The following ZNF611 variants were observed in gnomAD, a reference collection of about 807,000 sequenced individuals.
The protein encoded by ZNF611 is zinc finger protein 611.
In ZNF611, 6 loss-of-function variants were observed where a neutral mutation model predicts 8.9. The ratio of observed to expected loss-of-function variants is 0.68; its 90% CI spans 0.37 to 1.34. The LOEUF (loss-of-function observed/expected upper bound fraction) is 1.34. Among genes scored for constraint, ZNF611 ranks in the 40% most tolerant of loss-of-function variants. ZNF611 has a pLI of 0.02. For missense variants in ZNF611, 874 were observed against 841.3 expected (o/e 1.04, Z -0.48); for synonymous variants, 262 against 279.7 (o/e 0.94, Z 0.63).
At chr19:52,727,736 GA>G (rs1263138573) in intron 3 of ZNF611, among the ~76,000 whole-genome samples, 2 of 152,028 alleles carry the variant, frequency 1.3e-5, no homozygotes, top group African/African-American at 2.4e-5. Flanking sequence ...GGTCAGCCAG[GA>G]AAAACTCTTA....
intron 3 of ZNF611, among the ~76,000 whole-genome samples, chr19:52,722,437 G>GT (rs1024067882): frequency 6.6e-6 from 1 of 151,952 alleles, no homozygotes; most frequent in Admixed American, 6.6e-5. Flanking sequence ...ACAGAAAGTT[G>GT]TTTTTTTCTT....
chr19:52,734,495 T>TG (rs1568612433), intron 1 of ZNF611, among the ~76,000 whole-genome samples: 1 of 132,408 alleles, frequency 7.6e-6, no homozygotes, highest in Non-Finnish European at 1.6e-5. Flanking sequence ...AGGGGAGACC[T>TG]GGGGAGCAGC....
intron 3 of ZNF611, among the ~76,000 whole-genome samples, chr19:52,719,398 G>T (rs1167298589): frequency 2.0e-5 from 3 of 152,050 alleles, no homozygotes; most frequent in Non-Finnish European, 4.4e-5. Context: ...CACAACTAAC[G>T]AGTCAAGTCA....
At position 52,706,032 on chromosome 19, in the gene ZNF611, A is replaced by T. The variant is rs769586783; in HGVS notation, c.1023T>A (p.Asn341Lys). Residue 341 changes from asparagine to lysine, a missense_variant, in exon 6 of 6, where the codon AAT (asparagine) becomes AAA (lysine). Asn to Lys is a moderately conservative substitution (Grantham distance 94). Transcript: ENST00000652185. ...TGTCACATTCATTACACTTGTAAGGATTTTCTCCAGTATCAATTGCCTTAT... is the reference window on the plus strand; with the variant it reads ...TGTCACATTCATTACACTTGTAAGGTTTTTCTCCAGTATCAATTGCCTTAT... Reference protein sequence around the residue: ...LIDKAIDTGENPYKCNECDKA... With the variant: ...LIDKAIDTGEKPYKCNECDKA... 1.2e-6 allele frequency: 2 copies of T among 1,613,810 alleles called. No homozygotes were observed. Among genetic ancestry groups the T allele is most frequent in the South Asian group, 2.2e-5 (2 of 91,070 alleles).
chr19:52,709,063 A>G (rs1337913951), intron 5 of ZNF611, among the ~76,000 whole-genome samples: 1 of 152,274 alleles, frequency 6.6e-6, no homozygotes. Context: ...AAATTGCACA[A>G]TAAGAACAAA....
At chr19:52,733,144 G>T (rs1190196074) in intron 1 of ZNF611, among the ~76,000 whole-genome samples, 1 of 152,046 alleles carries the variant, frequency 6.6e-6, no homozygotes, top group African/African-American at 2.4e-5. Flanking sequence ...AAGATTTATA[G>T]AATGTACATG....
rs1262956753 is a variant in ZNF611, at chr19:52,719,029, G to T, written c.-19-3116C>A. ...CTGCTAAAAATAAAAAGTCAGACAG[G>T]TGTGGTGGCAGCTGCCTATAATCCC... is the stretch of plus-strand genomic sequence containing the variant. On this transcript the variant is annotated intron_variant, in intron 3 of 5. Transcript: ENST00000652185. Among the ~76,000 whole-genome samples, 16 of 151,978 alleles carry T rather than the reference G, an allele frequency of 1.1e-4. No individual in the cohort carries two copies. The East Asian group carries it at 3.1e-3, about 30-fold the overall frequency.
At chr19:52,715,546 T>C (rs1198502934) in intron 4 of ZNF611, among the ~76,000 whole-genome samples, 1 of 152,224 alleles carries the variant, frequency 6.6e-6, no homozygotes. Context: ...CAACCCAGGC[T>C]GCCCAGCAGC....
At chr19:52,729,724 G>A (rs992913175) in intron 2 of ZNF611, 182 bp downstream of exon 2, 40 of 151,996 alleles carry the variant, frequency 2.6e-4, no homozygotes, top group African/African-American at 8.9e-4. Context: ...AAACCAGCAA[G>A]CAAATAAGTA....
intron 5 of ZNF611, among the ~76,000 whole-genome samples, chr19:52,707,138 C>T (rs551529289): frequency 1.3e-5 from 2 of 152,082 alleles, no homozygotes; most frequent in South Asian, 2.1e-4. Flanking sequence ...TATTTTTCCA[C>T]TGTGACCCTG....
At chr19:52,723,168 T>C (rs1172357375) in intron 3 of ZNF611, among the ~76,000 whole-genome samples, 2 of 151,320 alleles carry the variant, frequency 1.3e-5, no homozygotes, top group Non-Finnish European at 2.9e-5. Context: ...ATTTTGTACC[T>C]CTCTCCTCTC....
In ZNF611 at chr19:52,706,149, A is replaced by T; in HGVS notation, c.906T>A (p.Leu302=). The T allele has an allele frequency of 6.2e-7, 1 of 1,614,136 alleles. No homozygotes were observed. Residue 302 remains leucine (L), a synonymous_variant, in exon 6 of 6, where the codon CTT becomes CTA. Coordinates refer to ENST00000652185, the MANE Select transcript of ZNF611 (RefSeq NM_001161499.2). ...CAGTATGAAGTCTACGATGGCAGGT[A>T]AGGGATGACTCCTGACTGAAGGTCT... ...CGKTFSQESS[L]TCHRRLHTGV...
Position 52,705,882 on chromosome 19 carries a change from A to C in ZNF611, c.1173T>G (p.Ile391Met). The C allele has an allele frequency of 6.2e-7, 1 of 1,614,122 alleles. No individual in the cohort carries two copies. The highest frequency in any genetic ancestry group is 1.1e-5 in the South Asian group (1 of 91,076). ...ATCTGTATGGTTTCTCTCCAGTATG[A>C]ATTCTCTTATGTGTCTCAATGGTTG... ...RKSTIETHKR[I>M]HTGEKPYRCK... The change falls in exon 6 of 6, where the codon ATT (isoleucine) becomes ATG (methionine). Residue 391 changes from isoleucine to methionine, a missense_variant. Coordinates refer to ENST00000652185, the MANE Select transcript of ZNF611 (RefSeq NM_001161499.2).
chr19:52,716,399 T>C (rs915148630), intron 3 of ZNF611, among the ~76,000 whole-genome samples: 6 of 152,212 alleles, frequency 3.9e-5, no homozygotes, highest in African/African-American at 1.4e-4. Context: ...AAAAGCTCTA[T>C]TTGCAAAATG....
intron 5 of ZNF611, among the ~76,000 whole-genome samples, chr19:52,710,794 A>G (rs1188769276): frequency 6.6e-6 from 1 of 152,220 alleles, no homozygotes; most frequent in Non-Finnish European, 1.5e-5. Flanking sequence ...TAAAACTTAT[A>G]TGAAGCCATC....
In ZNF611 at chr19:52,716,115, C is replaced by T. The variant is rs533179743; in HGVS notation, c.-19-202G>A. On this transcript the variant is annotated intron_variant, in intron 3 of 5. Coordinates refer to ENST00000652185, the MANE Select transcript of ZNF611 (RefSeq NM_001161499.2). ...ACCCCAGTCTTCAGATCTCACCTCT[C>T]TCCTGGAGAAGCCACCACACACGAG... is the stretch of plus-strand genomic sequence containing the variant. The T allele has an allele frequency of 2.8e-5, 16 of 577,554 alleles. No homozygotes were observed. In the African/African-American group the frequency reaches 2.8e-4, roughly 10 times the overall value. 35.8% of individuals were successfully genotyped at this position (577,554 alleles called of 1,614,324 possible). A position where few individuals can be genotyped will look rare whatever the true frequency, so the allele number is the denominator to read the frequency against.
At position 52,705,798 on chromosome 19, in the gene ZNF611, A is replaced by C. The variant is rs945218765; in HGVS notation, c.1257T>G (p.Ile419Met). Residue 419 changes from isoleucine to methionine, a missense_variant, in exon 6 of 6, where the codon ATT becomes ATG. Transcript: ENST00000652185. ...WHSQLARHRR[I>M]HTAKKTYKCN... ...ATTTATAAGTTTTCTTTGCAGTATG[A>C]ATTCTTCTATGTCGAGCCAGCTGTG... The C allele has an allele frequency of 2.5e-6, 4 of 1,613,796 alleles. No homozygotes were observed. In the African/African-American group the frequency reaches 4.0e-5, roughly 16 times the overall value.
intron 3 of ZNF611, among the ~76,000 whole-genome samples, chr19:52,725,446 G>A (rs2062385500): frequency 6.6e-6 from 1 of 152,200 alleles, no homozygotes; most frequent in African/African-American, 2.4e-5. Flanking sequence ...TAAAAAGCAA[G>A]GGGCAGGATG....
At position 52,704,822 on chromosome 19, in the gene ZNF611, C is replaced by G. The variant is rs147242246; in HGVS notation, c.*115G>C. 215 of 1,600,672 alleles carry G rather than the reference C, an allele frequency of 1.3e-4. No homozygotes were observed. The African/African-American group carries it at 2.1e-3, about 16-fold the overall frequency. ...CCAGTATGTTGTTCCAGGTGTGAAT[C>G]ACTCCCAAGTCTTGTCAGAAACCTT... On this transcript the variant is annotated 3_prime_UTR_variant, in exon 6 of 6. Coordinates refer to ENST00000652185, the MANE Select transcript of ZNF611 (RefSeq NM_001161499.2).
Sources: allele counts gnomAD v4.1 joint callset (sites outside exome capture counted in the v4.1 genomes callset), GRCh38; gene constraint gnomAD v4.1.1; transcripts MANE v1.5; gene names NCBI Gene and HGNC (gene_info 2026-07-23, HGNC 2026-07-21).